The following SH3GL1 variants were observed in gnomAD, a reference collection of about 807,000 sequenced individuals.
SH3GL1 encodes the protein endophilin-A2.
In SH3GL1, 21 loss-of-function variants were observed where a neutral mutation model predicts 48.8. That is an observed-to-expected ratio of 0.43 (90% CI 0.30 to 0.62). The LOEUF (loss-of-function observed/expected upper bound fraction) is 0.62. SH3GL1 is among the 20% of genes least tolerant of loss of function. The pLI, the probability that SH3GL1 is intolerant of heterozygous loss-of-function variation, is 0.11. For missense variants in SH3GL1, 454 were observed against 503.0 expected (o/e 0.90, Z 0.93); for synonymous variants, 282 against 217.5 (o/e 1.30, Z -2.61).
Position 4,361,601 on chromosome 19 carries a change from C to T in SH3GL1, c.1106G>A (p.Ter369=), listed in dbSNP as rs759564300. 5 of 1,593,842 alleles carry T rather than the reference C, an allele frequency of 3.1e-6. No homozygotes were observed. The highest frequency in any genetic ancestry group is 4.3e-6 in the Non-Finnish European group (5 of 1,173,382). ...YVEVLVPLPQ[*] ...GGGCGGGGCGGGGACACGGGTGAGT[C>T]ACTGCGGCAGGGGCACAAGCACCTC... Residue 369 remains the stop codon, a stop_retained_variant, in exon 10 of 10, where the codon TGA becomes TAA. Coordinates refer to ENST00000269886, the MANE Select transcript of SH3GL1 (RefSeq NM_003025.4).
At chr19:4,378,647 G>A (rs1296149530) in intron 1 of SH3GL1, among the ~76,000 whole-genome samples, 3 of 152,206 alleles carry the variant, frequency 2.0e-5, no homozygotes, top group Admixed American at 6.5e-5. Context: ...CCCGGGAGGC[G>A]GAGGTTGTGG....
intron 1 of SH3GL1, among the ~76,000 whole-genome samples, chr19:4,377,730 T>G (rs1973038184): frequency 6.6e-6 from 1 of 152,064 alleles, no homozygotes; most frequent in African/African-American, 2.4e-5. Context: ...CCCTGGCCGC[T>G]CAGAGGCACT....
At chr19:4,374,310 G>A (rs1972962792) in intron 1 of SH3GL1, among the ~76,000 whole-genome samples, 1 of 152,200 alleles carries the variant, frequency 6.6e-6, no homozygotes, top group South Asian at 2.1e-4. Flanking sequence ...CCAGGGGCCA[G>A]GGGCCAGCTC....
chr19:4,360,376 AAG>A lies in SH3GL1; in HGVS notation c.*1222_*1223del, dbSNP rs1391986329. ...CCAAGACGAGGCAAGGGGCTGTAGA[AAG>A]AGACATTTAATACTTCTGTTTACAA... On this transcript the variant is annotated 3_prime_UTR_variant, in exon 10 of 10. Transcript: ENST00000269886. 3.8e-6 allele frequency: 1 copy of A among 263,726 alleles called. No individual in the cohort carries two copies. Among genetic ancestry groups the A allele is most frequent in the Non-Finnish European group, 7.3e-6 (1 of 136,998 alleles). The allele number at this position is 263,726 out of a possible 1,614,324, so 16.3% of individuals were successfully genotyped here. A position where few individuals can be genotyped will look rare whatever the true frequency, so the allele number is the denominator to read the frequency against.
intron 9 of SH3GL1, 138 bp from the exon 10 acceptor site, chr19:4,361,934 C>T (rs1311517896): frequency 3.1e-6 from 2 of 653,266 alleles, no homozygotes; most frequent in African/African-American, 1.8e-5. Context: ...ACCCCCTGCC[C>T]CTGCCACTTC....
chr19:4,390,793 A>G (rs1973323846), intron 1 of SH3GL1, among the ~76,000 whole-genome samples: 1 of 150,354 alleles, frequency 6.7e-6, no homozygotes, highest in Non-Finnish European at 1.5e-5. Context: ...CCCGGCACTT[A>G]AAGACCTCAG....
chr19:4,393,941 C>G (rs1187952087), intron 1 of SH3GL1, among the ~76,000 whole-genome samples: 1 of 151,880 alleles, frequency 6.6e-6, no homozygotes, highest in South Asian at 2.1e-4. Flanking sequence ...GGCCCAGGAT[C>G]CCCCGGCAGA....
chr19:4,363,038 C>T (rs772976444), intron 7 of SH3GL1, among the ~76,000 whole-genome samples: 23 of 152,192 alleles, frequency 1.5e-4, no homozygotes, highest in Admixed American at 5.2e-4. Flanking sequence ...CCACCACGGA[C>T]GGCGCCCCAC....
chr19:4,378,051 C>A (rs1325087444), intron 1 of SH3GL1, among the ~76,000 whole-genome samples: 1 of 152,230 alleles, frequency 6.6e-6, no homozygotes, highest in African/African-American at 2.4e-5. Context: ...TCCTCAAACA[C>A]AAGCTTCCTG....
Position 4,361,519 on chromosome 19 carries a change from A to C in SH3GL1, c.*81T>G. 1 of 1,119,650 alleles carries C rather than the reference A, an allele frequency of 8.9e-7. No homozygotes were observed. Among genetic ancestry groups the C allele is most frequent in the Non-Finnish European group, 1.3e-6 (1 of 780,766 alleles). The allele number at this position is 1,119,650 out of a possible 1,614,324, so 69.4% of individuals were successfully genotyped here. A position where few individuals can be genotyped will look rare whatever the true frequency, so the allele number is the denominator to read the frequency against. On this transcript the variant is annotated 3_prime_UTR_variant, in exon 10 of 10. Transcript: ENST00000269886. ...CAGGCTCAGACACCGCCCTGGCAGC[A>C]GGGGCTCCGTGGAATGCAGGAGACC...
Position 4,371,978 on chromosome 19 carries a change from C to CT in SH3GL1, c.46-4985dup, listed in dbSNP as rs370404106. Among the ~76,000 whole-genome samples, 64 of 151,974 alleles carry CT rather than the reference C, an allele frequency of 4.2e-4. No homozygotes were observed. In the South Asian group the frequency reaches 5.4e-3, roughly 13 times the overall value. Reference sequence around the variant, plus strand: ...GCGAATACCTGTGACAAGGCCTCATCTTTTTTTTTCTTTTTAAAGAGGCAG... The same window carrying CT: ...GCGAATACCTGTGACAAGGCCTCATCTTTTTTTTTTCTTTTTAAAGAGGCAG... On this transcript the variant is annotated intron_variant, in intron 1 of 9. Transcript: ENST00000269886.
Position 4,360,957 on chromosome 19 carries a change from C to G in SH3GL1, c.*643G>C, listed in dbSNP as rs1032357905. 4.3e-6 allele frequency: 1 copy of G among 233,514 alleles called. No individual in the cohort carries two copies. The highest frequency in any genetic ancestry group is 8.5e-6 in the Non-Finnish European group (1 of 118,324). The allele number at this position is 233,514 out of a possible 1,614,324, so 14.5% of individuals were successfully genotyped here. Reference sequence around the variant, plus strand: ...TGCAGGAGACCATGTTCTCTGTCCTCAGGCAGATCCCAGCTGGCCTCTGTC... The same window carrying G: ...TGCAGGAGACCATGTTCTCTGTCCTGAGGCAGATCCCAGCTGGCCTCTGTC... On this transcript the variant is annotated 3_prime_UTR_variant, in exon 10 of 10. Coordinates refer to ENST00000269886, the MANE Select transcript of SH3GL1 (RefSeq NM_003025.4).
At chr19:4,383,685 G>A (rs1183087266) in intron 1 of SH3GL1, among the ~76,000 whole-genome samples, 1 of 152,150 alleles carries the variant, frequency 6.6e-6, no homozygotes, top group Non-Finnish European at 1.5e-5. Context: ...AACACGAGAC[G>A]GCACTGCTGC....
At position 4,363,896 on chromosome 19, in the gene SH3GL1, A is replaced by G. The variant is rs770396944; in HGVS notation, c.466-18T>C. 2.5e-6 allele frequency: 4 copies of G among 1,611,770 alleles called. No individual in the cohort carries two copies. The highest frequency in any genetic ancestry group is 1.1e-5 in the South Asian group (1 of 90,994). ...AGGTGGTGCTGGAGACGTGGGGGAC[A>G]TGGGTCACACCAGTAGCGGCCAGAG... On this transcript the variant is annotated intron_variant, in intron 5 of 9. Transcript: ENST00000269886.
chr19:4,391,656 G>A (rs949985382), intron 1 of SH3GL1, among the ~76,000 whole-genome samples: 2 of 152,204 alleles, frequency 1.3e-5, no homozygotes, highest in Admixed American at 1.3e-4. Flanking sequence ...CCTGTGAAGG[G>A]GGCCAGGTGA....
Position 4,368,867 on chromosome 19 carries a change from C to T in SH3GL1, c.46-1873G>A, listed in dbSNP as rs191143839. Among the ~76,000 whole-genome samples, 8 of 152,198 alleles carry T rather than the reference C, an allele frequency of 5.3e-5. No individual in the cohort carries two copies. In the East Asian group the frequency reaches 9.7e-4, roughly 18 times the overall value. Reference sequence around the variant, plus strand: ...CAGGCGGATCATGAGGTCAGGAGATCGAGACCATCCTGGCTAACACAGTGA... The same window carrying T: ...CAGGCGGATCATGAGGTCAGGAGATTGAGACCATCCTGGCTAACACAGTGA... On this transcript the variant is annotated intron_variant, in intron 1 of 9. Transcript: ENST00000269886.
chr19:4,391,949 C>A (rs1973345434), intron 1 of SH3GL1, among the ~76,000 whole-genome samples: 1 of 152,248 alleles, frequency 6.6e-6, no homozygotes, highest in African/African-American at 2.4e-5. Context: ...GTCACCAGAG[C>A]TTCCTGCAAG....
At chr19:4,385,117 A>C (rs1469706817) in intron 1 of SH3GL1, among the ~76,000 whole-genome samples, 2 of 151,296 alleles carry the variant, frequency 1.3e-5, no homozygotes, top group Middle Eastern at 3.4e-3. Flanking sequence ...AAAAAAAAAA[A>C]CTAGGGTACG....
intron 1 of SH3GL1, among the ~76,000 whole-genome samples, chr19:4,373,470 GA>G (rs1451131730): frequency 2.0e-5 from 3 of 152,210 alleles, no homozygotes; most frequent in Non-Finnish European, 4.4e-5. Context: ...CGGAGGCACT[GA>G]AAACAATGAA....
Sources: gnomAD v4.1 joint callset for allele counts (sites outside exome capture counted in the v4.1 genomes callset) on GRCh38, gnomAD v4.1.1 for gene constraint, MANE v1.5 for transcripts, NCBI Gene and HGNC (gene_info 2026-07-23, HGNC 2026-07-21) for gene names.